Variants in ZMYM4 observed in about 807,000 individuals in gnomAD.
ZMYM4 encodes the protein zinc finger MYM-type containing 4.
In ZMYM4, 31 loss-of-function variants were observed where a neutral mutation model predicts 183.2. The observed-to-expected ratio is 0.17, with a 90% confidence interval of 0.13 to 0.23. ZMYM4 has a LOEUF of 0.23. Ranked by LOEUF, ZMYM4 falls within the 10% of genes least tolerant of loss-of-function variation. The pLI is 1.00. For synonymous variants in ZMYM4, 592 were observed against 631.2 expected (o/e 0.94, Z 0.93); for missense variants, 1,273 against 1,840.3 (o/e 0.69, Z 5.64).
intron 23 of ZMYM4, among the ~76,000 whole-genome samples, chr1:35,402,097 A>G (rs1403336429): frequency 6.6e-6 from 1 of 150,754 alleles, no homozygotes; most frequent in Non-Finnish European, 1.5e-5. Flanking sequence ...ACATTTTGGA[A>G]TCAACTTGTC....
intron 1 of ZMYM4, among the ~76,000 whole-genome samples, chr1:35,286,484 G>A (rs1640491641): frequency 6.6e-6 from 1 of 152,028 alleles, no homozygotes; most frequent in South Asian, 2.1e-4. Context: ...GATGTTATCT[G>A]GAGACCACAG....
chr1:35,294,255 A>G (rs1640902372), intron 1 of ZMYM4, among the ~76,000 whole-genome samples: 1 of 152,180 alleles, frequency 6.6e-6, no homozygotes, highest in African/African-American at 2.4e-5. Context: ...ATCTTTTCAT[A>G]GAATGTGTGA....
chr1:35,357,607 G>A (rs1356259785), intron 2 of ZMYM4, among the ~76,000 whole-genome samples: 2 of 152,164 alleles, frequency 1.3e-5, no homozygotes, highest in Non-Finnish European at 2.9e-5. Flanking sequence ...TAATAAAGTT[G>A]ACAGAATTTG....
At chr1:35,335,797 T>TA (rs1246518628) in intron 2 of ZMYM4, among the ~76,000 whole-genome samples, 3 of 151,836 alleles carry the variant, frequency 2.0e-5, no homozygotes, top group African/African-American at 7.3e-5. Context: ...ACTAAAAATA[T>TA]AAAAAATTAG....
chr1:35,397,335 C>A, intron 19 of ZMYM4, 42 bp from the exon 20 acceptor site: 1 of 1,466,672 alleles, frequency 6.8e-7, no homozygotes, highest in Non-Finnish European at 9.0e-7. Context: ...GGCTACAAAC[C>A]TGTTGCCAAA....
At chr1:35,370,824 G>T in intron 7 of ZMYM4, 197 bp downstream of exon 7, 1 of 565,138 alleles carries the variant, frequency 1.8e-6, no homozygotes, top group Non-Finnish European at 2.6e-6. Flanking sequence ...TGCTCAGCTT[G>T]TTTTTTAGCT....
rs543390238 is a variant in ZMYM4, at chr1:35,311,448, A to G, written c.40-13912A>G. 2.6e-5 allele frequency among the ~76,000 whole-genome samples: 4 copies of G among 151,908 alleles called. No homozygotes were observed. In the East Asian group the frequency reaches 7.8e-4, roughly 29 times the overall value. On this transcript the variant is annotated intron_variant, in intron 1 of 29. Coordinates refer to ENST00000314607, the MANE Select transcript of ZMYM4 (RefSeq NM_005095.3). ...AAAAAAAAAAAAAAAAAAGTCATAA[A>G]TGAACTACTGTAGTATATAATGTTT...
chr1:35,415,251 A>G (rs1640068975), intron 27 of ZMYM4, among the ~76,000 whole-genome samples: 1 of 152,206 alleles, frequency 6.6e-6, no homozygotes, highest in Non-Finnish European at 1.5e-5. Context: ...AATAGATTAA[A>G]ACGGTTTCAG....
chr1:35,330,347 A>C (rs965958467), intron 2 of ZMYM4, among the ~76,000 whole-genome samples: 1 of 152,194 alleles, frequency 6.6e-6, no homozygotes, highest in Admixed American at 6.6e-5. Context: ...GTTATCAAGA[A>C]AGCTCTTCCA....
At chr1:35,274,879 G>A (rs556925526) in intron 1 of ZMYM4, among the ~76,000 whole-genome samples, 1 of 152,204 alleles carries the variant, frequency 6.6e-6, no homozygotes, top group East Asian at 1.9e-4. Flanking sequence ...GGCTAAATCA[G>A]GATCAATTAT....
At position 35,288,542 on chromosome 1, in the gene ZMYM4, G is replaced by T. The variant is rs534095563; in HGVS notation, c.39+19457G>T. ...CGTGACCCCACCCTCTGTGGTGACAGAATCTTTGCCTAATTCCACCCAGCA... is the reference window on the plus strand; with the variant it reads ...CGTGACCCCACCCTCTGTGGTGACATAATCTTTGCCTAATTCCACCCAGCA... On this transcript the variant is annotated intron_variant, in intron 1 of 29. Coordinates refer to ENST00000314607, the MANE Select transcript of ZMYM4 (RefSeq NM_005095.3). Among the ~76,000 whole-genome samples, 35 of 152,304 alleles carry T rather than the reference G, an allele frequency of 2.3e-4. No individual in the cohort carries two copies. In the South Asian group the frequency reaches 7.0e-3, roughly 31 times the overall value.
At chr1:35,277,985 A>G (rs578147126) in intron 1 of ZMYM4, among the ~76,000 whole-genome samples, 23 of 152,228 alleles carry the variant, frequency 1.5e-4, no homozygotes, top group African/African-American at 5.3e-4. Flanking sequence ...AAACTGCTAC[A>G]TACTTGGTAG....
intron 2 of ZMYM4, chr1:35,351,327 G>A: frequency 6.4e-7 from 1 of 1,572,596 alleles, no homozygotes; most frequent in South Asian, 1.1e-5. Flanking sequence ...GGGCCAGAAA[G>A]TTGCAGATTA....
chr1:35,351,281 G>A, intron 2 of ZMYM4: 1 of 1,581,226 alleles, frequency 6.3e-7, no homozygotes. Context: ...CTGAAAGCAA[G>A]GAATTTAATG....
At chr1:35,270,002 T>A (rs935955400) in intron 1 of ZMYM4, among the ~76,000 whole-genome samples, 11 of 152,196 alleles carry the variant, frequency 7.2e-5, no homozygotes, top group Admixed American at 7.2e-4. Flanking sequence ...GGGCAAAAAA[T>A]TACTACTTTA....
chr1:35,370,399 C>G lies in ZMYM4; in HGVS notation c.953C>G (p.Pro318Arg), dbSNP rs543375372. 5.7e-6 allele frequency: 9 copies of G among 1,582,598 alleles called. No homozygotes were observed. Among genetic ancestry groups the G allele is most frequent in the Non-Finnish European group, 7.7e-6 (9 of 1,170,420 alleles). The change falls in exon 7 of 30, where the codon CCC becomes CGC. Residue 318 changes from proline to arginine, a missense_variant. This residue lies in a region of ZMYM4 where 384 missense variants were observed against 465.6 expected (regional missense o/e 0.82). Coordinates refer to ENST00000314607, the MANE Select transcript of ZMYM4 (RefSeq NM_005095.3). Reference protein sequence around the residue: ...LAPQLTTGFQPSLASSGMNKM... With the variant: ...LAPQLTTGFQRSLASSGMNKM... ...CCACAGTTGACTACTGGCTTTCAGC[C>G]CTCACTGGCGTCATCTGGCATGAAT...
At chr1:35,381,234 T>C (rs749589960) in intron 7 of ZMYM4, 25 bp from the exon 8 acceptor site, 22 of 1,542,122 alleles carry the variant, frequency 1.4e-5, no homozygotes, top group Non-Finnish European at 1.9e-5. Context: ...TACCATGGCT[T>C]ATGTTATTTT....
At chr1:35,394,057 A>G (rs72659613) in intron 18 of ZMYM4, among the ~76,000 whole-genome samples, 3,221 of 145,276 alleles carry the variant, frequency 0.022, 65 homozygotes, top group Non-Finnish European at 0.033. Context: ...AGGAGGTGCT[A>G]TTGTTTTCCA....
At chr1:35,370,730 T>A in intron 7 of ZMYM4, 103 bp downstream of exon 7, 1 of 1,007,028 alleles carries the variant, frequency 9.9e-7, no homozygotes, top group Non-Finnish European at 1.2e-6. Context: ...TTTATTCCTT[T>A]TTTTTTTTTT....
Sources: allele counts gnomAD v4.1 joint callset (sites outside exome capture counted in the v4.1 genomes callset), GRCh38; gene constraint gnomAD v4.1.1; regional missense constraint gnomAD v4.1.1; transcripts MANE v1.5; gene names NCBI Gene and HGNC (gene_info 2026-07-23, HGNC 2026-07-21).